HTR1F: variants seen among roughly 807,000 people sequenced by gnomAD.
HTR1F encodes 5-hydroxytryptamine (serotonin) receptor 1F, G protein-coupled.
Under a neutral mutation model 24.0 loss-of-function variants are expected in HTR1F, and 17 were observed. The observed-to-expected ratio is 0.71, with a 90% CI of 0.48 to 1.06. The LOEUF (loss-of-function observed/expected upper bound fraction) is 1.06, where lower values mean the gene tolerates loss of function less well. Ranked by LOEUF, HTR1F falls within the 50% of genes least tolerant of loss-of-function variation. HTR1F has a pLI of 0.00. For synonymous variants in HTR1F, 186 were observed against 156.8 expected (o/e 1.19, Z -1.39); for missense variants, 391 against 427.8 (o/e 0.91, Z 0.76).
intron 2 of HTR1F, among the ~76,000 whole-genome samples, chr3:87,926,998 T>G (rs943970031): frequency 2.0e-5 from 3 of 151,866 alleles, no homozygotes; most frequent in South Asian, 2.1e-4. Flanking sequence ...GCTGCTTTGG[T>G]AGAATCTGCT....
At chr3:87,793,091 C>G (rs1034797746) in intron 1 of HTR1F, 4 of 152,630 alleles carry the variant, frequency 2.6e-5, no homozygotes, top group Non-Finnish European at 5.8e-5. Context: ...TTCTGTGGTG[C>G]TAGGCGGAGA....
chr3:87,979,726 G>A (rs940112091), intron 2 of HTR1F, among the ~76,000 whole-genome samples: 14 of 152,218 alleles, frequency 9.2e-5, no homozygotes, highest in African/African-American at 3.4e-4. Flanking sequence ...GCCTTCCAAG[G>A]CATGGAGTGG....
intron 2 of HTR1F, among the ~76,000 whole-genome samples, chr3:87,916,357 A>T (rs9863835): frequency 0.43 from 64,143 of 148,590 alleles, 14,968 homozygotes; most frequent in African/African-American, 0.61. Context: ...AATAGCATGA[A>T]GAATGGAATG....
intron 2 of HTR1F, among the ~76,000 whole-genome samples, chr3:87,891,244 A>C (rs1706078729): frequency 6.6e-6 from 1 of 152,150 alleles, no homozygotes; most frequent in Non-Finnish European, 1.5e-5. Context: ...ATTCTTTTCA[A>C]ATCTTCAAAG....
intron 2 of HTR1F, among the ~76,000 whole-genome samples, chr3:87,869,347 C>G (rs1325940663): frequency 6.7e-6 from 1 of 149,984 alleles, no homozygotes; most frequent in African/African-American, 2.5e-5. Context: ...AGTCAGGGTT[C>G]TCCAGAAAAA....
intron 2 of HTR1F, among the ~76,000 whole-genome samples, chr3:87,860,334 C>T (rs1158457365): frequency 6.6e-6 from 1 of 152,158 alleles, no homozygotes; most frequent in African/African-American, 2.4e-5. Context: ...TACCATGACA[C>T]ACTGAGTTGT....
chr3:87,843,887 A>G (rs991839832), intron 2 of HTR1F, among the ~76,000 whole-genome samples: 14 of 151,820 alleles, frequency 9.2e-5, no homozygotes, highest in African/African-American at 2.7e-4. Context: ...ATAGTATTCC[A>G]TGGTGTATAT....
At chr3:87,944,110 C>T (rs1383110988) in intron 2 of HTR1F, among the ~76,000 whole-genome samples, 1 of 152,130 alleles carries the variant, frequency 6.6e-6, no homozygotes, top group African/African-American at 2.4e-5. Flanking sequence ...TGTTTTTCCA[C>T]CTTCCTTGAC....
intron 2 of HTR1F, among the ~76,000 whole-genome samples, chr3:87,946,463 A>C (rs1016410963): frequency 6.6e-6 from 1 of 152,098 alleles, no homozygotes; most frequent in Non-Finnish European, 1.5e-5. Context: ...ATAGGCAAAA[A>C]TCATTTATTT....
chr3:87,875,371 C>T (rs1178041188), intron 2 of HTR1F, among the ~76,000 whole-genome samples: 2 of 151,568 alleles, frequency 1.3e-5, no homozygotes, highest in Admixed American at 1.3e-4. Flanking sequence ...ATCACTTGAA[C>T]CCAGGGAGAT....
At chr3:87,816,232 C>G (rs948624748) in intron 1 of HTR1F, among the ~76,000 whole-genome samples, 32 of 152,152 alleles carry the variant, frequency 2.1e-4, no homozygotes, top group African/African-American at 7.2e-4. Context: ...CCTGTCTTAT[C>G]ACTTGGCAGC....
Position 87,916,309 on chromosome 3 carries a change from GAAAAA to G in HTR1F, c.-42-74384_-42-74380del, listed in dbSNP as rs34801984. On this transcript the variant is annotated intron_variant, in intron 2 of 2. Coordinates refer to ENST00000319595, the MANE Select transcript of HTR1F (RefSeq NM_001322209.2). ...AAAAATACAGTTAAAAAGCAAAAAA[GAAAAA>G]AAAAAAAAAAAAAACAAGGTACACA... Among the ~76,000 whole-genome samples, 819 of 111,066 alleles carry G rather than the reference GAAAAA, an allele frequency of 7.4e-3. 12 individuals carry two copies. Among genetic ancestry groups the G allele is most frequent in the African/African-American group, 0.024 (748 of 30,872 alleles). 72.9% of individuals were successfully genotyped at this position (111,066 alleles called of 152,430 possible).
At chr3:87,986,946 A>G (rs1257933703) in intron 2 of HTR1F, among the ~76,000 whole-genome samples, 1 of 152,050 alleles carries the variant, frequency 6.6e-6, no homozygotes, top group Admixed American at 6.6e-5. Context: ...CTCTACTAAA[A>G]ATATAGAAAA....
chr3:87,916,559 C>A (rs1703899775), intron 2 of HTR1F, among the ~76,000 whole-genome samples: 1 of 151,970 alleles, frequency 6.6e-6, no homozygotes, highest in Non-Finnish European at 1.5e-5. Context: ...ACATGAAAAG[C>A]AAGCCAGGAT....
intron 1 of HTR1F, among the ~76,000 whole-genome samples, chr3:87,818,748 A>G (rs1704297448): frequency 6.6e-6 from 1 of 152,204 alleles, no homozygotes; most frequent in African/African-American, 2.4e-5. Flanking sequence ...AGCATAGAGC[A>G]CAAAATTTAT....
intron 1 of HTR1F, among the ~76,000 whole-genome samples, chr3:87,796,522 A>G (rs1439685483): frequency 1.3e-5 from 2 of 152,186 alleles, no homozygotes; most frequent in African/African-American, 4.8e-5. Context: ...TAAAGGATCA[A>G]GCTGAGAAAA....
Position 87,845,620 on chromosome 3 carries a change from G to A in HTR1F, c.-43+23496G>A, listed in dbSNP as rs1295227208. Among the ~76,000 whole-genome samples, 5 of 151,248 alleles carry A rather than the reference G, an allele frequency of 3.3e-5. No individual in the cohort carries two copies. In the East Asian group the frequency reaches 9.7e-4, roughly 29 times the overall value. ...AATGGAAGAACATTCCATGCTCATG[G>A]GTAGGAAGAATCAATATCATGAAAA... On this transcript the variant is annotated intron_variant, in intron 2 of 2. Coordinates refer to ENST00000319595, the MANE Select transcript of HTR1F (RefSeq NM_001322209.2).
chr3:87,932,863 A>T (rs909641470), intron 2 of HTR1F, among the ~76,000 whole-genome samples: 1 of 151,794 alleles, frequency 6.6e-6, no homozygotes, highest in African/African-American at 2.4e-5. Flanking sequence ...TGAGGCCAGC[A>T]TCATCCTGAT....
chr3:87,931,964 G>A (rs1704284818), intron 2 of HTR1F, among the ~76,000 whole-genome samples: 2 of 151,996 alleles, frequency 1.3e-5, no homozygotes, highest in Non-Finnish European at 2.9e-5. Flanking sequence ...AGATGAGTGG[G>A]TTGCAAAAAT....
Sources: allele counts gnomAD v4.1 joint callset (sites outside exome capture counted in the v4.1 genomes callset), GRCh38; gene constraint gnomAD v4.1.1; transcripts MANE v1.5; gene names NCBI Gene and HGNC (gene_info 2026-07-23, HGNC 2026-07-21).